Variants in SIRT6 observed in about 807,000 individuals in gnomAD.
The protein encoded by SIRT6 is NAD-dependent protein deacylase sirtuin-6.
SIRT6 carries 21 observed loss-of-function variants against 33.6 expected under a neutral mutation model. The observed-to-expected ratio is 0.62, with a 90% CI of 0.44 to 0.90. The LOEUF (loss-of-function observed/expected upper bound fraction) is 0.90. SIRT6 is among the 40% of genes least tolerant of loss of function. The probability of loss-of-function intolerance (pLI) is 0.00; values close to 1 mark genes in which losing one functional copy is unlikely to be tolerated. For missense variants in SIRT6, 504 were observed against 510.6 expected, an observed-to-expected ratio of 0.99 and a Z score of 0.12; for synonymous variants, 221 against 223.9, an observed-to-expected ratio of 0.99 and a Z score of 0.12.
At chr19:4,176,721 C>T (rs567842442) in intron 4 of SIRT6, among the ~76,000 whole-genome samples, 1 of 152,168 alleles carries the variant, frequency 6.6e-6, no homozygotes, top group Admixed American at 6.5e-5. Flanking sequence ...AGGGGCATGG[C>T]CCTGCAGACA....
In SIRT6 at chr19:4,174,329, G is replaced by A; in HGVS notation, c.*288C>T. On this transcript the variant is annotated 3_prime_UTR_variant, in exon 8 of 8. Coordinates refer to ENST00000337491, the MANE Select transcript of SIRT6 (RefSeq NM_016539.4). The surrounding 1 kb of genome is among the most constrained non-coding windows in gnomAD (Gnocchi z 4.2). ...AGGGAGTTCACTCCTGTTTAAGCTGGAGACCAGGGAGGGCCCAGCCTCACC... is the reference window on the plus strand; with the variant it reads ...AGGGAGTTCACTCCTGTTTAAGCTGAAGACCAGGGAGGGCCCAGCCTCACC... 1 of 306,806 alleles carries A rather than the reference G, an allele frequency of 3.3e-6. No homozygotes were observed. Among genetic ancestry groups the A allele is most frequent in the Non-Finnish European group, 5.9e-6 (1 of 168,284 alleles). 19.0% of individuals were successfully genotyped at this position (306,806 alleles called of 1,614,324 possible). A position where few individuals can be genotyped will look rare whatever the true frequency, so the allele number is the denominator to read the frequency against.
At chr19:4,180,204 A>T (rs550982167) in intron 2 of SIRT6, among the ~76,000 whole-genome samples, 1 of 143,086 alleles carries the variant, frequency 7.0e-6, no homozygotes, top group Non-Finnish European at 1.5e-5. Context: ...TCCCGGGTTC[A>T]AGCGATTCTC....
At chr19:4,176,971 G>A (rs778276734) in intron 4 of SIRT6, 108 bp downstream of exon 4, 7 of 837,766 alleles carry the variant, frequency 8.4e-6, no homozygotes, top group African/African-American at 7.0e-5. Flanking sequence ...ATCCCCCCAG[G>A]AGGGCCACAC....
At chr19:4,175,549 C>G in intron 6 of SIRT6, 131 bp downstream of exon 6, 1 of 882,396 alleles carries the variant, frequency 1.1e-6, no homozygotes. Context: ...CCTGGCCTGG[C>G]CCACCTGCTC....
intron 1 of SIRT6, 67 bp downstream of exon 1, chr19:4,182,407 C>T: frequency 6.7e-7 from 1 of 1,502,558 alleles, no homozygotes; most frequent in Non-Finnish European, 9.0e-7. Flanking sequence ...CAATGCCCCC[C>T]TGCCATCCGG....
chr19:4,174,261 A>C lies in SIRT6; in HGVS notation c.*356T>G. Reference sequence around the variant, plus strand: ...CCTGCAGGGCCCATGGAGGAGGGGTAGGGTGGGCTGTAGGGGGCCCAGAAG... The same window carrying C: ...CCTGCAGGGCCCATGGAGGAGGGGTCGGGTGGGCTGTAGGGGGCCCAGAAG... On this transcript the variant is annotated 3_prime_UTR_variant, in exon 8 of 8. Transcript: ENST00000337491. The surrounding 1 kb of genome is among the most constrained non-coding windows in gnomAD (Gnocchi z 4.2). The C allele has an allele frequency of 1.6e-5, 3 of 190,108 alleles. No homozygotes were observed. Among genetic ancestry groups the C allele is most frequent in the East Asian group, 1.3e-4 (1 of 7,748 alleles). 11.8% of individuals were successfully genotyped at this position (190,108 alleles called of 1,614,324 possible).
rs1253977424 is a variant in SIRT6, at chr19:4,174,738, T to C, written c.947A>G (p.Lys316Arg). 4 of 1,399,568 alleles carry C rather than the reference T, an allele frequency of 2.9e-6. No homozygotes were observed. Among genetic ancestry groups the C allele is most frequent in the Admixed American group, 2.7e-5 (1 of 36,776 alleles). The allele number at this position is 1,399,568 out of a possible 1,614,324, so 86.7% of individuals were successfully genotyped here. ...RINGSIPAGP[K>R]QEPCAQHNGS... ...GTTGTGCTGGGCGCAGGGCTCCTGCTTGGGGCCGGCGGGGATAGAGCCGTT... is the reference window on the plus strand; with the variant it reads ...GTTGTGCTGGGCGCAGGGCTCCTGCCTGGGGCCGGCGGGGATAGAGCCGTT... Residue 316 changes from lysine to arginine, a missense_variant, in exon 8 of 8, where the codon AAG becomes AGG. Physicochemically the swap from Lys to Arg is conservative, Grantham distance 26. Transcript: ENST00000337491. The surrounding 1 kb of genome is among the most constrained non-coding windows in gnomAD (Gnocchi z 4.2).
chr19:4,180,730 C>T, intron 2 of SIRT6, 52 bp downstream of exon 2: 1 of 1,558,198 alleles, frequency 6.4e-7, no homozygotes, highest in Non-Finnish European at 8.7e-7. Context: ...CGCAGGGAAG[C>T]CTCTGGCAGC....
Position 4,174,238 on chromosome 19 carries a change from T to C in SIRT6, c.*379A>G. 1 of 187,408 alleles carries C rather than the reference T, an allele frequency of 5.3e-6. No homozygotes were observed. The highest frequency in any genetic ancestry group is 1.1e-5 in the Non-Finnish European group (1 of 91,790). The allele number at this position is 187,408 out of a possible 1,614,324, so 11.6% of individuals were successfully genotyped here. On this transcript the variant is annotated 3_prime_UTR_variant, in exon 8 of 8. Transcript: ENST00000337491. The surrounding 1 kb of genome is among the most constrained non-coding windows in gnomAD (Gnocchi z 4.2). The stretch of plus-strand genomic sequence containing the variant: ...CCACTTCAAGGTGGGTCTCCCCTCC[T>C]GCAGGGCCCATGGAGGAGGGGTAGG...
rs536619682 is a variant in SIRT6 at position 4,175,661 on chromosome 19, TG to T, written c.614+18del. The T allele has an allele frequency of 1.2e-4, 182 of 1,496,076 alleles. No individual in the cohort carries two copies. In the African/African-American group the frequency reaches 2.3e-3, roughly 19 times the overall value. The allele number at this position is 1,496,076 out of a possible 1,614,324, so 92.7% of individuals were successfully genotyped here. On this transcript the variant is annotated intron_variant, in intron 6 of 7. Transcript: ENST00000337491. Reference sequence around the variant, plus strand: ...CCGCCCCGCCCCACCATGGGCTCCCTGGGGGTGGGGGGTCAGACCTGCTGGC... The same window carrying T: ...CCGCCCCGCCCCACCATGGGCTCCCTGGGGTGGGGGGTCAGACCTGCTGGC...
intron 4 of SIRT6, among the ~76,000 whole-genome samples, chr19:4,176,823 G>A (rs1599360924): frequency 6.6e-6 from 1 of 152,112 alleles, no homozygotes; most frequent in East Asian, 1.9e-4. Flanking sequence ...CTACAGCAGT[G>A]CCAGGACACG....
At chr19:4,175,510 C>T (rs1362270710) in intron 6 of SIRT6, 170 bp downstream of exon 6, 10 of 658,092 alleles carry the variant, frequency 1.5e-5, no homozygotes, top group Admixed American at 3.0e-5. Context: ...CATGAGGTGA[C>T]GAGTGTGTGT....
chr19:4,182,455 G>A lies in SIRT6; in HGVS notation c.66+19C>T, dbSNP rs200673213. 1.2e-5 allele frequency: 20 copies of A among 1,604,226 alleles called. No homozygotes were observed. The highest frequency in any genetic ancestry group is 1.7e-5 in the Non-Finnish European group (20 of 1,176,366). ...CGCGGCCCTGGGGCGCGATGCTCGG[G>A]ACCCTCAGACGCGCTCACCTCCGGG... is the stretch of plus-strand genomic sequence containing the variant. On this transcript the variant is annotated intron_variant, in intron 1 of 7. Transcript: ENST00000337491.
At chr19:4,180,383 C>T (rs1285091608) in intron 2 of SIRT6, among the ~76,000 whole-genome samples, 1 of 151,748 alleles carries the variant, frequency 6.6e-6, no homozygotes, top group Non-Finnish European at 1.5e-5. Context: ...ACAAGGGACA[C>T]ATCTTTTTGT....
intron 4 of SIRT6, 140 bp downstream of exon 4, chr19:4,176,939 C>G (rs1967336895): frequency 1.6e-6 from 1 of 613,034 alleles, no homozygotes; most frequent in African/African-American, 1.9e-5. Flanking sequence ...TATATCCCCC[C>G]AAGAGGGAGA....
At chr19:4,181,474 T>G (rs185257344) in intron 1 of SIRT6, among the ~76,000 whole-genome samples, 7 of 152,316 alleles carry the variant, frequency 4.6e-5, no homozygotes, top group South Asian at 2.1e-4. Context: ...GTAAGTGCTC[T>G]ATAAATGTTG....
intron 3 of SIRT6, among the ~76,000 whole-genome samples, chr19:4,178,217 G>T (rs1967418389): frequency 6.6e-6 from 1 of 151,456 alleles, no homozygotes; most frequent in Admixed American, 6.6e-5. Context: ...AGTAGAGATG[G>T]GGTTTCAACA....
In SIRT6 at chr19:4,177,116, C is replaced by T. The variant is rs765325811; in HGVS notation, c.400G>A (p.Gly134Arg). The change falls in exon 4 of 8, where the codon GGG (glycine) becomes AGG (arginine). Residue 134 changes from glycine (G) to arginine (R), a missense_variant. By Grantham distance (125) the Gly-to-Arg change is moderately radical. Coordinates refer to ENST00000337491, the MANE Select transcript of SIRT6 (RefSeq NM_016539.4). ...GCACATTCTTCCACAAACATGTTCCCGTGGAGCTCTGCCAGTTTGTCCCTG... is the reference window on the plus strand; with the variant it reads ...GCACATTCTTCCACAAACATGTTCCTGTGGAGCTCTGCCAGTTTGTCCCTG... ...FPRDKLAELHGNMFVEECAKC... is the reference protein window; with the variant it reads ...FPRDKLAELHRNMFVEECAKC... The T allele has an allele frequency of 3.7e-6, 6 of 1,613,914 alleles. No individual in the cohort carries two copies. The highest frequency in any genetic ancestry group is 3.3e-5 in the South Asian group (3 of 91,070).
chr19:4,175,313 T>C, intron 6 of SIRT6, 162 bp from the exon 7 acceptor site: 1 of 957,032 alleles, frequency 1.0e-6, no homozygotes, highest in East Asian at 2.6e-5. Context: ...TGCCCTCCTC[T>C]GCGGTCCGTT....
Sources: allele counts gnomAD v4.1 joint callset (sites outside exome capture counted in the v4.1 genomes callset), GRCh38; gene constraint gnomAD v4.1.1; non-coding constraint Gnocchi (gnomAD v3.1); transcripts MANE v1.5; gene names NCBI Gene and HGNC (gene_info 2026-07-23, HGNC 2026-07-21).